The following AGAP1 variants were observed in gnomAD, a reference collection of about 807,000 sequenced individuals.
AGAP1 encodes arf-GAP with GTPase, ANK repeat and PH domain-containing protein 1.
A neutral mutation model predicts 105.3 loss-of-function variants in AGAP1; 29 were observed. That is an observed-to-expected ratio of 0.28 (90% CI 0.21 to 0.38). The LOEUF (loss-of-function observed/expected upper bound fraction) is 0.38, where lower values mean the gene tolerates loss of function less well. AGAP1 is among the 10% of genes least tolerant of loss of function. AGAP1 has a pLI of 1.00. For synonymous variants in AGAP1, 509 were observed against 485.9 expected, an observed-to-expected ratio of 1.05 and a Z score of -0.63; for missense variants, 998 against 1,165.1, an observed-to-expected ratio of 0.86 and a Z score of 2.09.
chr2:235,777,219 G>A lies in AGAP1; in HGVS notation c.674-20540G>A, dbSNP rs571495553. Reference sequence around the variant, plus strand: ...TAAAAATACAAAAAATTAGCCAGGCGTGCGCCTGTAATCCCAGCTACTCGG... The same window carrying A: ...TAAAAATACAAAAAATTAGCCAGGCATGCGCCTGTAATCCCAGCTACTCGG... On this transcript the variant is annotated intron_variant, in intron 6 of 17. Transcript: ENST00000304032. The surrounding 1 kb of genome is among the most constrained non-coding windows in gnomAD (Gnocchi z 5.1). Among the ~76,000 whole-genome samples, 3 of 152,296 alleles carry A rather than the reference G, an allele frequency of 2.0e-5. No individual in the cohort carries two copies. Among genetic ancestry groups the A allele is most frequent in the South Asian group, 2.1e-4 (1 of 4,826 alleles).
intron 11 of AGAP1, among the ~76,000 whole-genome samples, chr2:235,917,901 G>C (rs566742823): frequency 1.3e-5 from 2 of 152,198 alleles, no homozygotes; most frequent in Non-Finnish European, 2.9e-5. Context: ...GCGGAGTCGC[G>C]AAGCTGCTGT....
At chr2:236,069,245 T>A (rs887689332) in intron 16 of AGAP1, among the ~76,000 whole-genome samples, 6 of 152,192 alleles carry the variant, frequency 3.9e-5, no homozygotes, top group African/African-American at 1.4e-4. Context: ...ATACATGATT[T>A]TGTCGTGTAC....
At chr2:235,679,471 T>G (rs1040985798) in intron 1 of AGAP1, among the ~76,000 whole-genome samples, 2 of 152,252 alleles carry the variant, frequency 1.3e-5, no homozygotes, top group African/African-American at 4.8e-5. Context: ...TGATCTTCAA[T>G]TTAACTACTT....
chr2:235,681,279 G>T (rs1231902519), intron 1 of AGAP1, among the ~76,000 whole-genome samples: 1 of 152,206 alleles, frequency 6.6e-6, no homozygotes, highest in Non-Finnish European at 1.5e-5. Context: ...AAAGTGCTGG[G>T]ATTACAGGCG....
At chr2:235,738,506 C>T (rs1952381551) in intron 3 of AGAP1, among the ~76,000 whole-genome samples, 1 of 151,832 alleles carries the variant, frequency 6.6e-6, no homozygotes, top group Non-Finnish European at 1.5e-5. Flanking sequence ...GATTCTTCTC[C>T]AAAGAAAGAG....
chr2:235,656,384 C>T (rs1176023368), intron 1 of AGAP1, among the ~76,000 whole-genome samples: 1 of 152,142 alleles, frequency 6.6e-6, no homozygotes, highest in Non-Finnish European at 1.5e-5. Flanking sequence ...ATCAGTATGT[C>T]AGTATGTTCA....
Position 235,888,497 on chromosome 2 carries a change from G to A in AGAP1, c.1155+5048G>A, listed in dbSNP as rs1212906312. On this transcript the variant is annotated intron_variant, in intron 10 of 17. Coordinates refer to ENST00000304032, the MANE Select transcript of AGAP1 (RefSeq NM_001037131.3). This position sits in a 1 kb window ranked among gnomAD's most constrained non-coding sequence, Gnocchi z 4.8. ...GACAAGACAGGCAAGCAAGGGCCGA[G>A]TTGATAGACCTGCCTGGGCAACATG... Among the ~76,000 whole-genome samples the A allele has an allele frequency of 2.0e-5, 3 of 152,078 alleles. No individual in the cohort carries two copies. The highest frequency in any genetic ancestry group is 6.5e-5 in the Admixed American group (1 of 15,268).
At chr2:235,926,685 A>C (rs953615550) in intron 11 of AGAP1, among the ~76,000 whole-genome samples, 2 of 152,216 alleles carry the variant, frequency 1.3e-5, no homozygotes, top group Non-Finnish European at 2.9e-5. Context: ...TTACTCCCTT[A>C]AGAGAAAATC....
intron 11 of AGAP1, among the ~76,000 whole-genome samples, chr2:235,922,292 A>G (rs1490434949): frequency 6.6e-6 from 1 of 152,220 alleles, no homozygotes; most frequent in Non-Finnish European, 1.5e-5. Flanking sequence ...TTAAAATAGA[A>G]GGTATACAAT....
intron 17 of AGAP1, among the ~76,000 whole-genome samples, chr2:236,122,173 ACT>A (rs2059915822): frequency 6.6e-6 from 1 of 151,632 alleles, no homozygotes; most frequent in Admixed American, 6.6e-5. Flanking sequence ...TGGGTTTTGA[ACT>A]CCTGCCTTTA....
chr2:235,822,491 C>G (rs996737705), intron 9 of AGAP1, among the ~76,000 whole-genome samples: 1 of 151,680 alleles, frequency 6.6e-6, no homozygotes, highest in Non-Finnish European at 1.5e-5. Context: ...GCTGGAGAAG[C>G]TCAAGAATGA....
At chr2:235,990,637 T>C (rs968336036) in intron 13 of AGAP1, among the ~76,000 whole-genome samples, 1 of 152,108 alleles carries the variant, frequency 6.6e-6, no homozygotes, top group East Asian at 1.9e-4. Flanking sequence ...AAGTCTTGTT[T>C]CCTCTGTGAC....
intron 6 of AGAP1, among the ~76,000 whole-genome samples, chr2:235,790,914 G>A (rs565310015): frequency 7.2e-5 from 11 of 152,318 alleles, no homozygotes; most frequent in South Asian, 2.1e-4. Context: ...CAGGATCTCC[G>A]CAGGTGTGTA....
At position 235,984,045 on chromosome 2, in the gene AGAP1, A is replaced by G. The variant is rs1439762357; in HGVS notation, c.1645+15422A>G. ...CACTCCAAACAGAAATCTGCTAACC[A>G]TTAAGCAACAACTCCCCAGCCCCTA... is the stretch of plus-strand genomic sequence containing the variant. On this transcript the variant is annotated intron_variant, in intron 13 of 17. Transcript: ENST00000304032. Among the ~76,000 whole-genome samples, 6 of 152,314 alleles carry G rather than the reference A, an allele frequency of 3.9e-5. No individual in the cohort carries two copies. The East Asian group carries it at 5.8e-4, about 15-fold the overall frequency.
chr2:235,809,877 C>A (rs543345522), intron 9 of AGAP1, among the ~76,000 whole-genome samples: 111 of 152,252 alleles, frequency 7.3e-4, no homozygotes, highest in African/African-American at 2.6e-3. Flanking sequence ...TAAATGAGTG[C>A]TTATTATGTA....
At chr2:236,018,716 A>T (rs894032425) in intron 13 of AGAP1, among the ~76,000 whole-genome samples, 1 of 152,194 alleles carries the variant, frequency 6.6e-6, no homozygotes, top group Non-Finnish European at 1.5e-5. Context: ...AGGTGATGAC[A>T]CTTGCATCCA....
Position 236,104,479 on chromosome 2 carries a change from T to G in AGAP1, c.2115-15713T>G, listed in dbSNP as rs1459000654. On this transcript the variant is annotated intron_variant, in intron 16 of 17. Transcript: ENST00000304032. The surrounding 1 kb of genome is among the most constrained non-coding windows in gnomAD (Gnocchi z 4.7). ...GTGCTGTCTGCCCCTCACAAAATCCTTGTCCCTTCTCAGATTCCTTGGGGG... is the reference window on the plus strand; with the variant it reads ...GTGCTGTCTGCCCCTCACAAAATCCGTGTCCCTTCTCAGATTCCTTGGGGG... Among the ~76,000 whole-genome samples, 4 of 152,234 alleles carry G rather than the reference T, an allele frequency of 2.6e-5. No homozygotes were observed. Among genetic ancestry groups the G allele is most frequent in the African/African-American group, 9.6e-5 (4 of 41,466 alleles).
intron 1 of AGAP1, among the ~76,000 whole-genome samples, chr2:235,651,149 C>T (rs754412847): frequency 3.9e-4 from 50 of 129,558 alleles, no homozygotes; most frequent in Admixed American, 1.4e-3. Context: ...CCAGCCAGTG[C>T]GCTCCAGCCA....
At chr2:236,122,354 G>A (rs935524751) in intron 17 of AGAP1, among the ~76,000 whole-genome samples, 2 of 152,006 alleles carry the variant, frequency 1.3e-5, no homozygotes, top group African/African-American at 4.8e-5. Flanking sequence ...CTAAAGTACT[G>A]GGTGTCAGGA....
Sources: gnomAD v4.1 joint callset for allele counts (sites outside exome capture counted in the v4.1 genomes callset) on GRCh38, gnomAD v4.1.1 for gene constraint, Gnocchi (gnomAD v3.1) non-coding constraint, MANE v1.5 for transcripts, NCBI Gene and HGNC (gene_info 2026-07-23, HGNC 2026-07-21) for gene names.